Variants in PLSCR5 observed in about 807,000 individuals in gnomAD.
PLSCR5 encodes the protein phospholipid scramblase family member 5, also known as phospholipid scramblase family, member 5.
Under a neutral mutation model 33.6 loss-of-function variants are expected in PLSCR5, and 44 were observed. The observed-to-expected ratio is 1.31, with a 90% CI of 1.03 to 1.69. PLSCR5 has a LOEUF of 1.69. PLSCR5 is among the 40% of genes most tolerant of loss of function. The pLI, the probability that PLSCR5 is intolerant of heterozygous loss-of-function variation, is 0.00. For missense variants in PLSCR5, 375 were observed against 318.7 expected (o/e 1.18, Z -1.34); for synonymous variants, 148 against 112.3 (o/e 1.32, Z -2.01).
intron 1 of PLSCR5, among the ~76,000 whole-genome samples, chr3:146,603,859 GA>G (rs1367066642): frequency 6.6e-6 from 1 of 151,918 alleles, no homozygotes; most frequent in Non-Finnish European, 1.5e-5. Flanking sequence ...TCTTCAGATA[GA>G]AAAAAATGAC....
chr3:146,603,013 C>G (rs1478559857), intron 1 of PLSCR5, among the ~76,000 whole-genome samples: 1 of 152,120 alleles, frequency 6.6e-6, no homozygotes, highest in African/African-American at 2.4e-5. Context: ...TTGGAGACAG[C>G]TCTTGCTCAG....
chr3:146,589,833 G>T lies in PLSCR5; in HGVS notation c.616-19C>A. 2 of 1,474,106 alleles carry T rather than the reference G, an allele frequency of 1.4e-6. No homozygotes were observed. Among genetic ancestry groups the T allele is most frequent in the Non-Finnish European group, 1.8e-6 (2 of 1,085,180 alleles). 91.3% of individuals were successfully genotyped at this position (1,474,106 alleles called of 1,614,324 possible). On this transcript the variant is annotated intron_variant, in intron 5 of 7. Coordinates refer to ENST00000443512, the MANE Select transcript of PLSCR5 (RefSeq NM_001085420.2). Reference sequence around the variant, plus strand: ...TTTTCACCTTTAGAAAGAAAATAAGGAGTATTAAATTTGACAGTGAAAAAA... The same window carrying T: ...TTTTCACCTTTAGAAAGAAAATAAGTAGTATTAAATTTGACAGTGAAAAAA...
At chr3:146,590,446 A>G (rs1391575645) in intron 5 of PLSCR5, 1 of 152,040 alleles carries the variant, frequency 6.6e-6, no homozygotes, top group Non-Finnish European at 1.5e-5. Context: ...AATGTACCAT[A>G]TAGGAAGTTA....
At chr3:146,595,105 G>A in intron 2 of PLSCR5, 22 bp from the exon 3 acceptor site, 1 of 1,351,688 alleles carries the variant, frequency 7.4e-7, no homozygotes, top group African/African-American at 1.5e-5. Flanking sequence ...GACATAAAAG[G>A]AAATAAAAAG....
chr3:146,585,004 T>C (rs1410239689), downstream of PLSCR5, among the ~76,000 whole-genome samples: 1 of 152,152 alleles, frequency 6.6e-6, no homozygotes. Context: ...GGTACCTTGC[T>C]TAAAAGAAAT....
chr3:146,594,092 A>C lies in PLSCR5; in HGVS notation c.281T>G (p.Leu94Trp), dbSNP rs2044738150. Residue 94 changes from leucine (L) to tryptophan (W), a missense_variant, in exon 4 of 8, where the codon TTG (leucine) becomes TGG (tryptophan). Physicochemically the swap from Leu to Trp is moderately conservative, Grantham distance 61 (BLOSUM62 -2). Coordinates refer to ENST00000443512, the MANE Select transcript of PLSCR5 (RefSeq NM_001085420.2). ...TSNKYEIKNS[L>W]GQRIYFAVEE... ...CACTGCAAAGTAAATTCTTTGTCCCAAGCTGTTTTTAATCTCATATTTGTT... is the reference window on the plus strand; with the variant it reads ...CACTGCAAAGTAAATTCTTTGTCCCCAGCTGTTTTTAATCTCATATTTGTT... 1 of 1,613,840 alleles carries C rather than the reference A, an allele frequency of 6.2e-7. No individual in the cohort carries two copies. The highest frequency in any genetic ancestry group is 2.2e-5 in the East Asian group (1 of 44,864).
intron 4 of PLSCR5, among the ~76,000 whole-genome samples, chr3:146,592,883 C>T (rs1305084318): frequency 6.6e-6 from 1 of 152,258 alleles, no homozygotes; most frequent in East Asian, 1.9e-4. Flanking sequence ...AATGACTACA[C>T]TCTCTTGGGG....
chr3:146,602,287 G>A (rs2044824457), intron 1 of PLSCR5, among the ~76,000 whole-genome samples: 1 of 151,988 alleles, frequency 6.6e-6, no homozygotes, highest in Admixed American at 6.6e-5. Flanking sequence ...AAGAGCTAAT[G>A]GCCATTAATA....
chr3:146,578,167 T>C (rs1289734189), intron 7 of PLSCR5, among the ~76,000 whole-genome samples: 1 of 146,942 alleles, frequency 6.8e-6, no homozygotes, highest in Non-Finnish European at 1.5e-5. Flanking sequence ...TTTATTGATA[T>C]TGGAAAATAT....
chr3:146,590,066 G>T (rs2044701098), intron 5 of PLSCR5: 1 of 265,004 alleles, frequency 3.8e-6, no homozygotes, highest in South Asian at 1.4e-4. Context: ...TATGCAGATG[G>T]AGAATATCAG....
At chr3:146,579,685 C>T (rs977455342) in intron 7 of PLSCR5, among the ~76,000 whole-genome samples, 3 of 152,238 alleles carry the variant, frequency 2.0e-5, no homozygotes, top group East Asian at 3.9e-4. Context: ...ATTCAGTTTC[C>T]GAGTTTCAAT....
chr3:146,577,910 T>C (rs918630644), intron 7 of PLSCR5, among the ~76,000 whole-genome samples: 7 of 152,136 alleles, frequency 4.6e-5, no homozygotes, highest in Non-Finnish European at 8.8e-5. Context: ...AACATATATA[T>C]TACCTAGGCA....
chr3:146,602,620 A>G (rs1377238796), intron 1 of PLSCR5, among the ~76,000 whole-genome samples: 2 of 152,092 alleles, frequency 1.3e-5, no homozygotes, highest in Non-Finnish European at 2.9e-5. Context: ...TTATCTCTCA[A>G]TTAAAAACCA....
At chr3:146,601,667 T>C (rs1489270540) in intron 1 of PLSCR5, among the ~76,000 whole-genome samples, 2 of 152,292 alleles carry the variant, frequency 1.3e-5, no homozygotes, top group Middle Eastern at 3.4e-3. Context: ...ATTACTCATA[T>C]ACCAAAATTG....
chr3:146,585,177 T>C (rs1467013528), downstream of PLSCR5, among the ~76,000 whole-genome samples: 1 of 152,138 alleles, frequency 6.6e-6, no homozygotes, highest in Non-Finnish European at 1.5e-5. Flanking sequence ...ACTGGACTCT[T>C]TTACTTCTGC....
At chr3:146,600,508 T>A (rs2044803995) in intron 1 of PLSCR5, 45 bp from the exon 2 acceptor site, 2 of 1,474,392 alleles carry the variant, frequency 1.4e-6, no homozygotes, top group African/African-American at 2.8e-5. Context: ...ATTTAGGCCA[T>A]TTTATTTAGT....
Position 146,600,224 on chromosome 3 carries a change from G to C in PLSCR5, c.189+64C>G, listed in dbSNP as rs1007054162. 7 of 1,199,742 alleles carry C rather than the reference G, an allele frequency of 5.8e-6. No homozygotes were observed. In the African/African-American group the frequency reaches 9.5e-5, roughly 16 times the overall value. 74.3% of individuals were successfully genotyped at this position (1,199,742 alleles called of 1,614,324 possible). A position where few individuals can be genotyped will look rare whatever the true frequency, so the allele number is the denominator to read the frequency against. ...TCTTTCAACCTTGATTGAAAAGCCA[G>C]AAAGAAAGTTTGTATTAATTTTAAG... On this transcript the variant is annotated intron_variant, in intron 2 of 7. Transcript: ENST00000443512.
At chr3:146,593,249 C>T (rs529943728) in intron 4 of PLSCR5, among the ~76,000 whole-genome samples, 1 of 152,210 alleles carries the variant, frequency 6.6e-6, no homozygotes, top group South Asian at 2.1e-4. Context: ...ATTTCTAGCT[C>T]CTAGAGATTT....
intron 7 of PLSCR5, among the ~76,000 whole-genome samples, chr3:146,576,941 A>G (rs1330839757): frequency 6.6e-6 from 1 of 152,070 alleles, no homozygotes; most frequent in African/African-American, 2.4e-5. Flanking sequence ...TGTCAGCATT[A>G]GAAAAGAAAT....
Sources: allele counts gnomAD v4.1 joint callset (sites outside exome capture counted in the v4.1 genomes callset), GRCh38; gene constraint gnomAD v4.1.1; transcripts MANE v1.5; gene names NCBI Gene and HGNC (gene_info 2026-07-23, HGNC 2026-07-21).